Variants in IL27RA observed in about 807,000 individuals in gnomAD.
IL27RA encodes the protein interleukin 27 receptor subunit alpha.
Under a neutral mutation model 80.8 loss-of-function variants are expected in IL27RA, and 61 were observed. The observed-to-expected ratio is 0.76, with a 90% CI of 0.61 to 0.93. The LOEUF is 0.93. Among genes scored for constraint, IL27RA ranks in the 40% least tolerant of loss-of-function variants. The pLI, the probability that IL27RA is intolerant of heterozygous loss-of-function variation, is 0.00. For missense variants in IL27RA, 735 were observed against 808.1 expected, an observed-to-expected ratio of 0.91 and a Z score of 1.10; for synonymous variants, 316 against 332.5, an observed-to-expected ratio of 0.95 and a Z score of 0.54.
At chr19:14,050,981 G>A (rs921043113) in intron 11 of IL27RA, 98 bp downstream of exon 11, 7 of 1,301,202 alleles carry the variant, frequency 5.4e-6, no homozygotes, top group Non-Finnish European at 7.4e-6. Context: ...AGGTGCAGTG[G>A]CTCACCCCTG....
chr19:14,041,778 A>T (rs956363162), intron 4 of IL27RA, among the ~76,000 whole-genome samples: 8 of 152,148 alleles, frequency 5.3e-5, no homozygotes, highest in African/African-American at 1.4e-4. Flanking sequence ...GCTGATAGAT[A>T]AGTTCAAGTA....
In IL27RA at chr19:14,042,746, T is replaced by G. The variant is rs775427545; in HGVS notation, c.725T>G (p.Leu242Arg). 64 of 1,614,014 alleles carry G rather than the reference T, an allele frequency of 4.0e-5. No homozygotes were observed. Among genetic ancestry groups the G allele is most frequent in the Non-Finnish European group, 4.8e-5 (57 of 1,180,028 alleles). The change falls in exon 6 of 14, where the codon CTC (leucine) becomes CGC (arginine). Residue 242 changes from leucine (L) to arginine (R), a missense_variant. Transcript: ENST00000263379. Reference sequence around the variant, plus strand: ...AAAGATGTGTGGGTATCAGGGAACCTCTGTGGGACGCCTGGAGGAGAGGAA... The same window carrying G: ...AAAGATGTGTGGGTATCAGGGAACCGCTGTGGGACGCCTGGAGGAGAGGAA... ...APKDVWVSGN[L>R]CGTPGGEEPL...
intron 13 of IL27RA, 56 bp from the exon 14 acceptor site, chr19:14,052,040 G>A: frequency 6.3e-7 from 1 of 1,581,876 alleles, no homozygotes; most frequent in Non-Finnish European, 8.6e-7. Flanking sequence ...AGTGGGGAGG[G>A]GGTGAGGTGT....
At chr19:14,038,229 A>T (rs1599298008) in intron 2 of IL27RA, among the ~76,000 whole-genome samples, 1 of 151,686 alleles carries the variant, frequency 6.6e-6, no homozygotes, top group Non-Finnish European at 1.5e-5. Flanking sequence ...CTGCAACTCA[A>T]CCTCCTGGGC....
rs768470014 is a variant in IL27RA, at chr19:14,051,984, G to A, written c.1716+11G>A. 40 of 1,579,422 alleles carry A rather than the reference G, an allele frequency of 2.5e-5. No homozygotes were observed. Among genetic ancestry groups the A allele is most frequent in the South Asian group, 9.2e-5 (8 of 87,024 alleles). On this transcript the variant is annotated intron_variant, in intron 13 of 13. Coordinates refer to ENST00000263379, the MANE Select transcript of IL27RA (RefSeq NM_004843.4). ...CAGCCCCACATGGAGGTGAGTCAAAGGGCCGGCTAGTCGGAGCCCTCTGGG... is the reference window on the plus strand; with the variant it reads ...CAGCCCCACATGGAGGTGAGTCAAAAGGCCGGCTAGTCGGAGCCCTCTGGG...
intron 8 of IL27RA, among the ~76,000 whole-genome samples, chr19:14,047,191 G>T (rs1017912137): frequency 2.7e-5 from 4 of 147,370 alleles, no homozygotes; most frequent in African/African-American, 1.0e-4. Flanking sequence ...CTATGGGAGC[G>T]TACCACCACA....
At chr19:14,040,860 T>C (rs1975979670) in intron 4 of IL27RA, among the ~76,000 whole-genome samples, 1 of 151,084 alleles carries the variant, frequency 6.6e-6, no homozygotes, top group Admixed American at 6.6e-5. Flanking sequence ...GAGTTCAGAA[T>C]TGTGATTATT....
chr19:14,042,874 C>A, intron 6 of IL27RA, 85 bp downstream of exon 6: 1 of 1,241,652 alleles, frequency 8.1e-7, no homozygotes, highest in Non-Finnish European at 1.2e-6. Flanking sequence ...TGCAGTGGCT[C>A]ACGCTTGTAA....
intron 2 of IL27RA, among the ~76,000 whole-genome samples, chr19:14,035,177 A>T (rs1206662427): frequency 6.6e-6 from 1 of 151,808 alleles, no homozygotes; most frequent in African/African-American, 2.4e-5. Flanking sequence ...ATATATTTTT[A>T]GTAGACACAG....
intron 2 of IL27RA, among the ~76,000 whole-genome samples, chr19:14,033,059 C>CT (rs890507286): frequency 2.5e-4 from 38 of 150,304 alleles, no homozygotes; most frequent in African/African-American, 9.0e-4. Flanking sequence ...TCGCTTGAGC[C>CT]CAGGAGGAGT....
At chr19:14,047,211 T>A (rs1004552959) in intron 8 of IL27RA, among the ~76,000 whole-genome samples, 3 of 67,944 alleles carry the variant, frequency 4.4e-5, no homozygotes, top group Non-Finnish European at 5.3e-5. Context: ...AATCGGTTAA[T>A]TTTTTTTTTT....
intron 12 of IL27RA, 53 bp from the exon 13 acceptor site, chr19:14,051,827 C>T: frequency 6.1e-6 from 9 of 1,470,258 alleles, no homozygotes; most frequent in Non-Finnish European, 8.4e-6. Flanking sequence ...GCACCCTGGG[C>T]TGGGGCATCT....
At chr19:14,045,078 C>T (rs1326020071) in intron 6 of IL27RA, among the ~76,000 whole-genome samples, 1 of 150,216 alleles carries the variant, frequency 6.7e-6, no homozygotes, top group Non-Finnish European at 1.5e-5. Flanking sequence ...TCAGATTGCG[C>T]CACTGCACTC....
In IL27RA at chr19:14,042,486, C is replaced by T. The variant is rs150102707; in HGVS notation, c.568C>T (p.Pro190Ser). Residue 190 changes from proline (P) to serine (S), a missense_variant, in exon 5 of 14, where the codon CCT (proline) becomes TCT (serine). Transcript: ENST00000263379. ...GGAGCTGAAGACCATACCCCTGACCCCTGTTGAGATCCAAGATTTGGAGCT... is the reference window on the plus strand; with the variant it reads ...GGAGCTGAAGACCATACCCCTGACCTCTGTTGAGATCCAAGATTTGGAGCT... ...EPELKTIPLT[P>S]VEIQDLELAT... The T allele has an allele frequency of 6.2e-7, 1 of 1,614,060 alleles. No individual in the cohort carries two copies. The highest frequency in any genetic ancestry group is 8.5e-7 in the Non-Finnish European group (1 of 1,180,050).
intron 7 of IL27RA, 41 bp from the exon 8 acceptor site, chr19:14,046,389 A>G (rs1329813566): frequency 1.2e-6 from 2 of 1,613,770 alleles, no homozygotes; most frequent in Non-Finnish European, 1.7e-6. Flanking sequence ...GTGGGAAGTG[A>G]CTTCCTGAGT....
intron 2 of IL27RA, among the ~76,000 whole-genome samples, chr19:14,035,450 C>T (rs975682916): frequency 1.3e-5 from 2 of 151,974 alleles, no homozygotes; most frequent in Non-Finnish European, 2.9e-5. Context: ...GGCTGGAGTG[C>T]AATGGCGCGA....
In IL27RA at chr19:14,039,825, A is replaced by T; in HGVS notation, c.449A>T (p.His150Leu). The T allele has an allele frequency of 1.2e-6, 2 of 1,614,052 alleles. No homozygotes were observed. The highest frequency in any genetic ancestry group is 1.7e-6 in the Non-Finnish European group (2 of 1,179,992). ...SEDDPLEATVHWAPPTWPSHK... is the reference protein window; with the variant it reads ...SEDDPLEATVLWAPPTWPSHK... ...GATGACCCCCTGGAGGCCACTGTCC[A>T]TTGGGCCCCACCTACATGGCCATCT... Residue 150 changes from histidine (H) to leucine (L), a missense_variant, in exon 4 of 14, where the codon CAT (histidine) becomes CTT (leucine). Coordinates refer to ENST00000263379, the MANE Select transcript of IL27RA (RefSeq NM_004843.4).
chr19:14,045,409 T>C (rs549670993), intron 6 of IL27RA, among the ~76,000 whole-genome samples: 1 of 150,674 alleles, frequency 6.6e-6, no homozygotes, highest in South Asian at 2.1e-4. Flanking sequence ...AAGACCATCC[T>C]GGCTAACATG....
chr19:14,035,614 C>T (rs1975886014), intron 2 of IL27RA, among the ~76,000 whole-genome samples: 1 of 151,784 alleles, frequency 6.6e-6, no homozygotes, highest in South Asian at 2.1e-4. Context: ...TGGCTGGTCT[C>T]GAACTCCCGA....
Sources: allele counts gnomAD v4.1 joint callset (sites outside exome capture counted in the v4.1 genomes callset), GRCh38; gene constraint gnomAD v4.1.1; transcripts MANE v1.5; gene names NCBI Gene and HGNC (gene_info 2026-07-23, HGNC 2026-07-21).